Variants in ST6GALNAC5 observed in about 807,000 individuals in gnomAD.
The protein encoded by ST6GALNAC5 is ST6 N-acetylgalactosaminide alpha-2,6-sialyltransferase 5.
ST6GALNAC5 carries 27 observed loss-of-function variants against 33.6 expected under a neutral mutation model. The ratio of observed to expected loss-of-function variants is 0.80; its 90% CI spans 0.59 to 1.11. The LOEUF is 1.11. ST6GALNAC5 is among the 50% of genes least tolerant of loss of function. ST6GALNAC5 has a pLI of 0.00. For missense variants in ST6GALNAC5, 428 were observed against 454.0 expected, an observed-to-expected ratio of 0.94 and a Z score of 0.52; for synonymous variants, 194 against 171.2, an observed-to-expected ratio of 1.13 and a Z score of -1.04.
chr1:76,887,434 A>G (rs1209958097), intron 2 of ST6GALNAC5, among the ~76,000 whole-genome samples: 1 of 152,154 alleles, frequency 6.6e-6, no homozygotes, highest in African/African-American at 2.4e-5. Flanking sequence ...AATAGCCATT[A>G]AGATTTCCTT....
chr1:76,966,575 T>C (rs1224369909), intron 2 of ST6GALNAC5, among the ~76,000 whole-genome samples: 2 of 152,194 alleles, frequency 1.3e-5, no homozygotes, highest in African/African-American at 2.4e-5. Flanking sequence ...CTTTTCCTAA[T>C]TGAATACCTT....
chr1:76,912,348 T>C (rs1053313662), intron 2 of ST6GALNAC5, among the ~76,000 whole-genome samples: 5 of 152,186 alleles, frequency 3.3e-5, no homozygotes, highest in African/African-American at 1.2e-4. Context: ...CTTCCAACTA[T>C]GTGGTCAATT....
intron 2 of ST6GALNAC5, among the ~76,000 whole-genome samples, chr1:76,960,519 A>G (rs1445358369): frequency 6.6e-6 from 1 of 152,160 alleles, no homozygotes; most frequent in Admixed American, 6.6e-5. Context: ...GTTTGAGAGC[A>G]GACAACTGGT....
chr1:77,024,735 G>A (rs1353105602), intron 2 of ST6GALNAC5, among the ~76,000 whole-genome samples: 1 of 152,214 alleles, frequency 6.6e-6, no homozygotes, highest in African/African-American at 2.4e-5. Flanking sequence ...TGGAGCCTGA[G>A]CCAAGATATG....
intron 2 of ST6GALNAC5, among the ~76,000 whole-genome samples, chr1:76,994,680 C>T (rs962779488): frequency 6.6e-6 from 1 of 152,028 alleles, no homozygotes; most frequent in African/African-American, 2.4e-5. Context: ...GAAGGGGATT[C>T]AGGAATATCT....
At chr1:76,992,684 T>C (rs1403214034) in intron 2 of ST6GALNAC5, among the ~76,000 whole-genome samples, 3 of 152,044 alleles carry the variant, frequency 2.0e-5, no homozygotes, top group Non-Finnish European at 4.4e-5. Flanking sequence ...TTTGTAGAGA[T>C]GAATTTTCAC....
intron 2 of ST6GALNAC5, among the ~76,000 whole-genome samples, chr1:76,899,119 A>G (rs990620721): frequency 6.6e-6 from 1 of 152,138 alleles, no homozygotes; most frequent in East Asian, 1.9e-4. Flanking sequence ...GCTATTTGGA[A>G]CTACTGTCGA....
At position 77,063,256 on chromosome 1, in the gene ST6GALNAC5, C is replaced by T. The variant is rs760541243; in HGVS notation, c.*50C>T. 25 of 1,540,056 alleles carry T rather than the reference C, an allele frequency of 1.6e-5. No homozygotes were observed. Among genetic ancestry groups the T allele is most frequent in the East Asian group, 1.4e-4 (6 of 44,326 alleles). ...CCCAGGTATTCACTGCATCAGACAC[C>T]GAGACACTGAACTTCCTGAGCCACC... On this transcript the variant is annotated 3_prime_UTR_variant, in exon 5 of 5. Transcript: ENST00000477717.
chr1:76,936,508 G>A (rs1472282444), intron 2 of ST6GALNAC5, among the ~76,000 whole-genome samples: 1 of 152,014 alleles, frequency 6.6e-6, no homozygotes, highest in Non-Finnish European at 1.5e-5. Flanking sequence ...TGGCCAGTGT[G>A]AATGAGCCCT....
At chr1:76,961,369 T>C (rs1293387014) in intron 2 of ST6GALNAC5, among the ~76,000 whole-genome samples, 3 of 152,128 alleles carry the variant, frequency 2.0e-5, no homozygotes, top group Non-Finnish European at 2.9e-5. Flanking sequence ...AGCACACACA[T>C]GTCTCTGGAA....
intron 4 of ST6GALNAC5, among the ~76,000 whole-genome samples, chr1:77,062,652 G>C (rs1468937650): frequency 6.6e-6 from 1 of 152,130 alleles, no homozygotes; most frequent in Non-Finnish European, 1.5e-5. Context: ...CTCTGCAGCT[G>C]CTTATGGTAA....
At chr1:76,988,492 T>C (rs1649596966) in intron 2 of ST6GALNAC5, among the ~76,000 whole-genome samples, 1 of 152,092 alleles carries the variant, frequency 6.6e-6, no homozygotes, top group Admixed American at 6.6e-5. Flanking sequence ...TTACTAGTTA[T>C]AACTGTGAAT....
intron 2 of ST6GALNAC5, among the ~76,000 whole-genome samples, chr1:76,982,786 G>A (rs552363532): frequency 6.6e-6 from 1 of 152,150 alleles, no homozygotes; most frequent in South Asian, 2.1e-4. Context: ...CCCACAAAGG[G>A]AAGCCCATCA....
chr1:76,918,616 CAAAAAAAAAAAA>C (rs5775368), intron 2 of ST6GALNAC5, among the ~76,000 whole-genome samples: 5 of 76,582 alleles, frequency 6.5e-5, no homozygotes, highest in Admixed American at 1.6e-4. Context: ...GACTCCATCT[CAAAAAAAAAAAA>C]AAAAAAAAAG....
intron 2 of ST6GALNAC5, among the ~76,000 whole-genome samples, chr1:76,918,861 A>T (rs1322385727): frequency 6.6e-6 from 1 of 152,140 alleles, no homozygotes; most frequent in African/African-American, 2.4e-5. Context: ...ACACTGAAGA[A>T]TTGTAAGGAC....
At chr1:76,991,615 A>T (rs960547230) in intron 2 of ST6GALNAC5, among the ~76,000 whole-genome samples, 1 of 152,110 alleles carries the variant, frequency 6.6e-6, no homozygotes, top group Admixed American at 6.5e-5. Flanking sequence ...CTTCTCATAG[A>T]CAGGTAACTT....
chr1:76,962,794 G>C (rs557719980), intron 2 of ST6GALNAC5, among the ~76,000 whole-genome samples: 1 of 152,212 alleles, frequency 6.6e-6, no homozygotes, highest in South Asian at 2.1e-4. Context: ...ATTTTAATCA[G>C]ATTTTTTCAT....
chr1:76,982,225 G>A (rs1460139391), intron 2 of ST6GALNAC5, among the ~76,000 whole-genome samples: 1 of 152,156 alleles, frequency 6.6e-6, no homozygotes, highest in Non-Finnish European at 1.5e-5. Flanking sequence ...TGAGCTAAAG[G>A]AGTATGTTCA....
intron 2 of ST6GALNAC5, among the ~76,000 whole-genome samples, chr1:76,929,000 G>C (rs1647111522): frequency 6.6e-6 from 1 of 152,162 alleles, no homozygotes; most frequent in South Asian, 2.1e-4. Context: ...ACATGGAATT[G>C]ATTGTTAAAA....
Sources: gnomAD v4.1 joint callset for allele counts (sites outside exome capture counted in the v4.1 genomes callset) on GRCh38, gnomAD v4.1.1 for gene constraint, MANE v1.5 for transcripts, NCBI Gene and HGNC (gene_info 2026-07-23, HGNC 2026-07-21) for gene names.